HSP90AB1: variants seen among roughly 807,000 people sequenced by gnomAD.
The protein encoded by HSP90AB1 is heat shock protein 90 alpha family class B member 1, also known as heat shock protein HSP 90-beta.
HSP90AB1 carries 17 observed loss-of-function variants against 67.8 expected under a neutral mutation model. The ratio of observed to expected loss-of-function variants is 0.25; its 90% CI spans 0.17 to 0.38. The LOEUF (loss-of-function observed/expected upper bound fraction) is 0.38, where lower values mean the gene tolerates loss of function less well. HSP90AB1 is among the 10% of genes least tolerant of loss of function. The probability of loss-of-function intolerance (pLI) is 1.00; values close to 1 mark genes in which losing one functional copy is unlikely to be tolerated. For missense variants in HSP90AB1, 690 were observed against 899.9 expected (o/e 0.77, Z 2.98); for synonymous variants, 390 against 312.9 (o/e 1.25, Z -2.60).
At chr6:44,251,633 C>G in intron 8 of HSP90AB1, 25 bp downstream of exon 8, 4 of 1,586,414 alleles carry the variant, frequency 2.5e-6, no homozygotes, top group Non-Finnish European at 3.4e-6. Flanking sequence ...AATGCTTATT[C>G]CCTTTACCAC....
At chr6:44,253,411 G>A in intron 11 of HSP90AB1, 33 bp downstream of exon 11, 1 of 1,219,522 alleles carries the variant, frequency 8.2e-7, no homozygotes, top group Non-Finnish European at 1.1e-6. Context: ...GTGGCAAGGA[G>A]TTTGTGCAAC....
In HSP90AB1 at chr6:44,247,618, C is replaced by T. The variant is rs185903366; in HGVS notation, c.-1+423C>T. ...CCTTGTGGGACTGGCTTTGTCACCT[C>T]TCTTATCGGACGCGTTGTTAAAGCC... On this transcript the variant is annotated intron_variant, in intron 1 of 11. Coordinates refer to ENST00000371646, the MANE Select transcript of HSP90AB1 (RefSeq NM_007355.4). 1.4e-3 allele frequency among the ~76,000 whole-genome samples: 206 copies of T among 152,320 alleles called. 1 individual carries two copies. Among genetic ancestry groups the T allele is most frequent in the Admixed American group, 3.2e-3 (49 of 15,300 alleles).
intron 2 of HSP90AB1, among the ~76,000 whole-genome samples, chr6:44,249,158 G>A (rs928213546): frequency 1.3e-5 from 2 of 151,072 alleles, no homozygotes; most frequent in African/African-American, 4.9e-5. Context: ...CTGGGCAACC[G>A]CGAGACCTTG....
rs765842603 is a variant in HSP90AB1 at position 44,250,315 on chromosome 6, A to G, written c.673A>G (p.Ile225Val). 1.8e-5 allele frequency: 29 copies of G among 1,613,730 alleles called. No homozygotes were observed. The highest frequency in any genetic ancestry group is 4.5e-5 in the East Asian group (2 of 44,894). ...LYLEKEREKE[I>V]SDDEAEEEKG... is the part of the protein sequence containing the mutation. ...GTTGGAGAAGGAACGAGAGAAGGAA[A>G]TTAGTGATGATGAGGCAGAGGAAGA... The change falls in exon 6 of 12, where the codon ATT (isoleucine) becomes GTT (valine). Residue 225 changes from isoleucine (I) to valine (V), a missense_variant. Ile to Val is a conservative substitution (Grantham distance 29). Coordinates refer to ENST00000371646, the MANE Select transcript of HSP90AB1 (RefSeq NM_007355.4).
chr6:44,250,565 T>C lies in HSP90AB1; in HGVS notation c.923T>C (p.Leu308Pro). 6.2e-7 allele frequency: 1 copy of C among 1,612,790 alleles called. No individual in the cohort carries two copies. Among genetic ancestry groups the C allele is most frequent in the Non-Finnish European group, 8.5e-7 (1 of 1,179,140 alleles). ...QEEYGEFYKS[L>P]TNDWEDHLAV... ...GAGTATGGAGAATTCTACAAGAGCC[T>C]CACTAATGACTGGGAAGACCACTTG... The change falls in exon 6 of 12, where the codon CTC becomes CCC. Residue 308 changes from leucine to proline, a missense_variant. This residue lies in a region of HSP90AB1 where 101 missense variants were observed against 174.8 expected (regional missense o/e 0.58). Transcript: ENST00000371646.
Position 44,250,325 on chromosome 6 carries a change from A to G in HSP90AB1, c.683A>G (p.Asp228Gly). The change falls in exon 6 of 12, where the codon GAT (aspartate) becomes GGT (glycine). Residue 228 changes from aspartate (D) to glycine (G), a missense_variant. Physicochemically the swap from Asp to Gly is moderately conservative, Grantham distance 94 (BLOSUM62 -1). Around this residue, in one of 7 missense-constraint regions of HSP90AB1, gnomAD observed 146 missense variants for 143.7 expected, o/e 1.02. Coordinates refer to ENST00000371646, the MANE Select transcript of HSP90AB1 (RefSeq NM_007355.4). ...EKEREKEISD[D>G]EAEEEKGEKE... The stretch of plus-strand genomic sequence containing the variant: ...GAACGAGAGAAGGAAATTAGTGATG[A>G]TGAGGCAGAGGAAGAGAAAGGTGAG... 6.2e-7 allele frequency: 1 copy of G among 1,614,018 alleles called. No homozygotes were observed.
rs780030205 is a variant in HSP90AB1 at position 44,250,470 on chromosome 6, C to T, written c.828C>T (p.Tyr276=). Residue 276 remains tyrosine, a synonymous_variant, in exon 6 of 12, where the codon TAC becomes TAT. Transcript: ENST00000371646. ...KKKTKKIKEK[Y]IDQEELNKTK... is the part of the protein sequence containing the mutation. ...AAACTAAGAAGATCAAAGAGAAATACATTGATCAGGAAGAACTAAACAAGA... is the reference window on the plus strand; with the variant it reads ...AAACTAAGAAGATCAAAGAGAAATATATTGATCAGGAAGAACTAAACAAGA... 6.2e-7 allele frequency: 1 copy of T among 1,613,680 alleles called. No individual in the cohort carries two copies. Among genetic ancestry groups the T allele is most frequent in the African/African-American group, 1.3e-5 (1 of 75,040 alleles).
intron 1 of HSP90AB1, among the ~76,000 whole-genome samples, chr6:44,247,565 G>T (rs1277526720): frequency 6.6e-6 from 1 of 152,226 alleles, no homozygotes; most frequent in African/African-American, 2.4e-5. Context: ...AGGGTGGCGG[G>T]GGTGCCCGCT....
In HSP90AB1 at chr6:44,247,471, A is replaced by G. The variant is rs537122678; in HGVS notation, c.-1+276A>G. Among the ~76,000 whole-genome samples, 4 of 152,090 alleles carry G rather than the reference A, an allele frequency of 2.6e-5. No individual in the cohort carries two copies. The South Asian group carries it at 8.3e-4, about 32-fold the overall frequency. ...GGGGCAGTGGGCGGCTGGCAGCTGC[A>G]CGTGGTGGCCGCGCGGCCCGGGACG... On this transcript the variant is annotated intron_variant, in intron 1 of 11. Coordinates refer to ENST00000371646, the MANE Select transcript of HSP90AB1 (RefSeq NM_007355.4).
rs34984888 is a variant in HSP90AB1, at chr6:44,251,705, C to T, written c.1315-32C>T. On this transcript the variant is annotated intron_variant, in intron 8 of 11. Transcript: ENST00000371646. ...TGAAAGTGAAGTTATTGTAGTTAAG[C>T]TGGATTGTTTTTCCTCTTCCCACCC... The T allele has an allele frequency of 7.3e-4, 1,164 of 1,605,310 alleles. 10 individuals carry two copies. The African/African-American group carries it at 0.013, about 18-fold the overall frequency.
Position 44,249,657 on chromosome 6 carries a change from C to T in HSP90AB1, c.355-18C>T, listed in dbSNP as rs1257036023. On this transcript the variant is annotated intron_variant, in intron 3 of 11. Transcript: ENST00000371646. The stretch of plus-strand genomic sequence containing the variant: ...TTGCTTCTTTAAAACTTGTGATTGA[C>T]TTTAAACTTGTTGGCAGGCTGGTGC... The T allele has an allele frequency of 1.9e-6, 3 of 1,612,190 alleles. No individual in the cohort carries two copies. Among genetic ancestry groups the T allele is most frequent in the East Asian group, 2.2e-5 (1 of 44,842 alleles).
Position 44,250,298 on chromosome 6 carries a change from A to G in HSP90AB1, c.656A>G (p.Lys219Arg), listed in dbSNP as rs772831139. The change falls in exon 6 of 12, where the codon AAG (lysine) becomes AGG (arginine). Residue 219 changes from lysine to arginine, a missense_variant. Physicochemically the swap from Lys to Arg is conservative, Grantham distance 26. This residue lies in a region of HSP90AB1 where 146 missense variants were observed against 143.7 expected (regional missense o/e 1.02). Coordinates refer to ENST00000371646, the MANE Select transcript of HSP90AB1 (RefSeq NM_007355.4). ...IGYPITLYLE[K>R]EREKEISDDE... ...TCTGTTTTTGTTACTTAGTTGGAGA[A>G]GGAACGAGAGAAGGAAATTAGTGAT... The G allele has an allele frequency of 1.1e-5, 18 of 1,613,226 alleles. 1 individual carries two copies. The South Asian group carries it at 2.0e-4, about 18-fold the overall frequency.
At chr6:44,251,377 A>C (rs553676291) in intron 7 of HSP90AB1, 41 bp from the exon 8 acceptor site, 1 of 1,579,632 alleles carries the variant, frequency 6.3e-7, no homozygotes, top group South Asian at 1.1e-5. Flanking sequence ...GGTCTGGTCT[A>C]GCTGTTTTTT....
chr6:44,247,405 T>C (rs1780037988), intron 1 of HSP90AB1, among the ~76,000 whole-genome samples: 1 of 152,080 alleles, frequency 6.6e-6, no homozygotes, highest in Admixed American at 6.5e-5. Flanking sequence ...TGGGGCTTTC[T>C]CTCGGCGCCT....
At chr6:44,252,956 T>A (rs1421619017) in intron 10 of HSP90AB1, 89 bp from the exon 11 acceptor site, 2 of 1,096,312 alleles carry the variant, frequency 1.8e-6, no homozygotes, top group East Asian at 2.4e-5. Flanking sequence ...TCTGTCCACC[T>A]CCTCCCCCTG....
chr6:44,251,921 G>A, intron 9 of HSP90AB1, 37 bp downstream of exon 9: 1 of 1,613,362 alleles, frequency 6.2e-7, no homozygotes, highest in Middle Eastern at 1.8e-4. Context: ...TTGGAGGAGT[G>A]GGGAGCACAA....
chr6:44,249,684 G>T lies in HSP90AB1; in HGVS notation c.364G>T (p.Asp122Tyr). 1 of 1,613,552 alleles carries T rather than the reference G, an allele frequency of 6.2e-7. No individual in the cohort carries two copies. Among genetic ancestry groups the T allele is most frequent in the South Asian group, 1.1e-5 (1 of 91,010 alleles). Reference protein sequence around the residue: ...AFMEALQAGADISMIGQFGVG... With the variant: ...AFMEALQAGAYISMIGQFGVG... The stretch of plus-strand genomic sequence containing the variant: ...TTAAACTTGTTGGCAGGCTGGTGCA[G>T]ACATCTCCATGATTGGGCAGTTTGG... Residue 122 changes from aspartate to tyrosine, a missense_variant, in exon 4 of 12, where the codon GAC (aspartate) becomes TAC (tyrosine). This residue lies in a region of HSP90AB1 where 88 missense variants were observed against 167.7 expected (regional missense o/e 0.52). Coordinates refer to ENST00000371646, the MANE Select transcript of HSP90AB1 (RefSeq NM_007355.4).
At chr6:44,251,658 CAAT>C in intron 8 of HSP90AB1, 50 bp downstream of exon 8, 1 of 1,587,334 alleles carries the variant, frequency 6.3e-7, no homozygotes, top group Non-Finnish European at 8.6e-7. Flanking sequence ...TTAGTAATAA[CAAT>C]AAATTATTCC....
At position 44,251,240 on chromosome 6, in the gene HSP90AB1, T is replaced by C. The variant is rs779820605; in HGVS notation, c.1123+27T>C. The C allele has an allele frequency of 3.1e-6, 5 of 1,612,670 alleles. No homozygotes were observed. In the South Asian group the frequency reaches 5.5e-5, roughly 18 times the overall value. ...TGAGTATCTCCTTGGCCTAATTTAG[T>C]TGGGTGAAGTCTTGGGAGGTTTTAG... is the stretch of plus-strand genomic sequence containing the variant. On this transcript the variant is annotated intron_variant, in intron 7 of 11. Transcript: ENST00000371646.
Sources: gnomAD v4.1 joint callset for allele counts (sites outside exome capture counted in the v4.1 genomes callset) on GRCh38, gnomAD v4.1.1 for gene constraint, gnomAD v4.1.1 regional missense constraint, MANE v1.5 for transcripts, NCBI Gene and HGNC (gene_info 2026-07-23, HGNC 2026-07-21) for gene names.